The following ZNF440 variants were observed in gnomAD, a reference collection of about 807,000 sequenced individuals.
ZNF440 encodes the protein zinc finger protein 440.
Under a neutral mutation model 49.7 loss-of-function variants are expected in ZNF440, and 47 were observed. The ratio of observed to expected loss-of-function variants is 0.95; its 90% CI spans 0.75 to 1.21. The LOEUF (loss-of-function observed/expected upper bound fraction) is 1.21, where lower values mean the gene tolerates loss of function less well. Among genes scored for constraint, ZNF440 ranks in the 50% most tolerant of loss-of-function variants. The pLI, the probability that ZNF440 is intolerant of heterozygous loss-of-function variation, is 0.00. For missense variants in ZNF440, 703 were observed against 715.0 expected, an observed-to-expected ratio of 0.98 and a Z score of 0.19; for synonymous variants, 255 against 237.7, an observed-to-expected ratio of 1.07 and a Z score of -0.67.
chr19:11,822,409 T>C (rs1409092994), intron 1 of ZNF440, among the ~76,000 whole-genome samples: 1 of 152,232 alleles, frequency 6.6e-6, no homozygotes, highest in Non-Finnish European at 1.5e-5. Flanking sequence ...CTAGAATTAA[T>C]TAAATTATTG....
Position 11,832,709 on chromosome 19 carries a change from G to C in ZNF440, c.1533G>C (p.Glu511Asp). ...ATATCATGAAAGGACTCACACTGGA[G>C]AGAAGCCCTATAAATGCGAGCAATG... ...PFDIMKGLTL[E>D]RSPINASNVG... Residue 511 changes from glutamate to aspartate, a missense_variant, in exon 4 of 4, where the codon GAG becomes GAC. Transcript: ENST00000304060. The C allele has an allele frequency of 6.2e-7, 1 of 1,613,980 alleles. No individual in the cohort carries two copies. The highest frequency in any genetic ancestry group is 8.5e-7 in the Non-Finnish European group (1 of 1,180,004).
In ZNF440 at chr19:11,832,470, G is replaced by C; in HGVS notation, c.1294G>C (p.Ala432Pro). 1 of 1,613,740 alleles carries C rather than the reference G, an allele frequency of 6.2e-7. No homozygotes were observed. The highest frequency in any genetic ancestry group is 8.5e-7 in the Non-Finnish European group (1 of 1,179,958). ...KPYECKECGK[A>P]FRYVNNLQSH... ...GTATGAATGTAAGGAATGTGGGAAA[G>C]CCTTCAGATATGTGAATAACCTTCA... The change falls in exon 4 of 4, where the codon GCC (alanine) becomes CCC (proline). Residue 432 changes from alanine to proline, a missense_variant. By Grantham distance (27) the Ala-to-Pro change is conservative. Coordinates refer to ENST00000304060, the MANE Select transcript of ZNF440 (RefSeq NM_152357.3).
intron 1 of ZNF440, among the ~76,000 whole-genome samples, chr19:11,828,317 A>G (rs1476229915): frequency 4.8e-5 from 6 of 125,908 alleles, no homozygotes; most frequent in South Asian, 5.2e-4. Context: ...GTCCCAGTCA[A>G]GTGACTGGGA....
In ZNF440 at chr19:11,832,098, A is replaced by G. The variant is rs1237650544; in HGVS notation, c.922A>G (p.Arg308Gly). Reference sequence around the variant, plus strand: ...TCGTATACATGAAAGGACCCACTCTAGGAAAAATCTCTATGAATGTAAGCA... The same window carrying G: ...TCGTATACATGAAAGGACCCACTCTGGGAAAAATCTCTATGAATGTAAGCA... Reference protein sequence around the residue: ...YVRIHERTHSRKNLYECKQCG... With the variant: ...YVRIHERTHSGKNLYECKQCG... Residue 308 changes from arginine (R) to glycine (G), a missense_variant, in exon 4 of 4, where the codon AGG (arginine) becomes GGG (glycine). Transcript: ENST00000304060. 1 of 1,614,030 alleles carries G rather than the reference A, an allele frequency of 6.2e-7. No individual in the cohort carries two copies. The highest frequency in any genetic ancestry group is 8.5e-7 in the Non-Finnish European group (1 of 1,180,010).
At chr19:11,824,648 C>T (rs1260029488) in intron 1 of ZNF440, among the ~76,000 whole-genome samples, 1 of 151,216 alleles carries the variant, frequency 6.6e-6, no homozygotes, top group Non-Finnish European at 1.5e-5. Context: ...AAACATTGGG[C>T]AGATAATCCA....
intron 1 of ZNF440, among the ~76,000 whole-genome samples, chr19:11,827,045 A>G (rs180727321): frequency 3.4e-4 from 50 of 147,742 alleles, no homozygotes; most frequent in Admixed American, 6.1e-4. Context: ...CTTTAGCGGG[A>G]GGTATACTTG....
chr19:11,825,791 CTT>C (rs112631754), intron 1 of ZNF440, among the ~76,000 whole-genome samples: 3 of 117,558 alleles, frequency 2.6e-5, no homozygotes, highest in African/African-American at 3.9e-5. Context: ...CACTGATTTT[CTT>C]TTTTTTTTCT....
Position 11,833,022 on chromosome 19 carries a change from C to T in ZNF440, c.*58C>T. ...ATATGTGGGAGGGGCTTTTATTCTG[C>T]CAAGTCATTTCAAATACATGAAAAA... On this transcript the variant is annotated 3_prime_UTR_variant, in exon 4 of 4. Coordinates refer to ENST00000304060, the MANE Select transcript of ZNF440 (RefSeq NM_152357.3). 6.3e-7 allele frequency: 1 copy of T among 1,599,386 alleles called. No individual in the cohort carries two copies. Among genetic ancestry groups the T allele is most frequent in the African/African-American group, 1.4e-5 (1 of 73,968 alleles).
intron 1 of ZNF440, among the ~76,000 whole-genome samples, chr19:11,826,143 C>T (rs982504014): frequency 1.4e-4 from 22 of 152,140 alleles, no homozygotes; most frequent in African/African-American, 4.6e-4. Context: ...CACTGAATAA[C>T]ATTCTATTGT....
chr19:11,828,887 C>T (rs149680967), intron 1 of ZNF440, among the ~76,000 whole-genome samples: 2,865 of 151,826 alleles, frequency 0.019, 31 homozygotes, highest in Admixed American at 0.026. Flanking sequence ...TTTCTCCATG[C>T]TGGTCAGGCT....
chr19:11,832,388 C>T lies in ZNF440; in HGVS notation c.1212C>T (p.Ala404=). The T allele has an allele frequency of 6.2e-6, 10 of 1,613,292 alleles. No homozygotes were observed. The highest frequency in any genetic ancestry group is 8.5e-6 in the Non-Finnish European group (10 of 1,179,762). The change falls in exon 4 of 4, where the codon GCC becomes GCT. Residue 404 remains alanine, a synonymous_variant. Transcript: ENST00000304060. ...ATGAGTGTAAGCAATGTGGGAAAGC[C>T]TTCAGATCTGCCTCACACCTTCGAG... The part of the protein sequence containing the change: ...KPYECKQCGK[A]FRSASHLRVH...
At chr19:11,819,132 A>C (rs1430339268) in intron 1 of ZNF440, among the ~76,000 whole-genome samples, 1 of 151,714 alleles carries the variant, frequency 6.6e-6, no homozygotes, top group Non-Finnish European at 1.5e-5. Flanking sequence ...ACATAGTGAG[A>C]CCCTCCCCCC....
chr19:11,819,408 A>AT (rs1306177825), intron 1 of ZNF440, among the ~76,000 whole-genome samples: 2 of 149,448 alleles, frequency 1.3e-5, no homozygotes, highest in South Asian at 2.1e-4. Context: ...TGTTTTTTTG[A>AT]TTTTTTTTGA....
In ZNF440 at chr19:11,832,258, T is replaced by C. The variant is rs1410574237; in HGVS notation, c.1082T>C (p.Ile361Thr). The C allele has an allele frequency of 3.1e-6, 5 of 1,613,810 alleles. No individual in the cohort carries two copies. Among genetic ancestry groups the C allele is most frequent in the Non-Finnish European group, 4.2e-6 (5 of 1,179,934 alleles). ...SVNSFQRHEK[I>T]HSGEKPYKCK... is the part of the protein sequence containing the mutation. ...AATTCATTTCAAAGACATGAAAAAA[T>C]TCACAGTGGAGAGAAACCCTATAAA... The change falls in exon 4 of 4, where the codon ATT (isoleucine) becomes ACT (threonine). Residue 361 changes from isoleucine (I) to threonine (T), a missense_variant. Transcript: ENST00000304060.
intron 1 of ZNF440, among the ~76,000 whole-genome samples, chr19:11,821,257 C>T (rs761655626): frequency 5.3e-5 from 8 of 152,128 alleles, no homozygotes; most frequent in Non-Finnish European, 7.4e-5. Context: ...GCCGGAGTCA[C>T]TCCTCCCAGG....
chr19:11,818,631 C>A (rs914826381), intron 1 of ZNF440, among the ~76,000 whole-genome samples: 11 of 152,034 alleles, frequency 7.2e-5, no homozygotes, highest in Non-Finnish European at 4.4e-5. Flanking sequence ...CTTACTGCAA[C>A]CTTGACCTCC....
intron 1 of ZNF440, among the ~76,000 whole-genome samples, chr19:11,827,947 G>A (rs1975886906): frequency 6.6e-6 from 1 of 152,018 alleles, no homozygotes; most frequent in Non-Finnish European, 1.5e-5. Flanking sequence ...TCATCTTATG[G>A]AATCTTCTCT....
chr19:11,818,072 G>T (rs1266745710), intron 1 of ZNF440, among the ~76,000 whole-genome samples: 1 of 152,136 alleles, frequency 6.6e-6, no homozygotes, highest in Non-Finnish European at 1.5e-5. Flanking sequence ...GGGCATGGTG[G>T]CATGTGCCTG....
chr19:11,822,910 C>G (rs1170469257), intron 1 of ZNF440, among the ~76,000 whole-genome samples: 2 of 149,764 alleles, frequency 1.3e-5, no homozygotes. Context: ...ATCTTTGTCT[C>G]TCTGATAATA....
Sources: gnomAD v4.1 joint callset for allele counts (sites outside exome capture counted in the v4.1 genomes callset) on GRCh38, gnomAD v4.1.1 for gene constraint, MANE v1.5 for transcripts, NCBI Gene and HGNC (gene_info 2026-07-23, HGNC 2026-07-21) for gene names.